Variants in PTTG1IP2 observed in about 807,000 individuals in gnomAD.
PTTG1IP2 encodes the protein PTTG1IP family member 2.
intron 6 of PTTG1IP2, among the ~76,000 whole-genome samples, chr7:90,498,361 T>A (rs912168529): frequency 6.6e-6 from 1 of 152,144 alleles, no homozygotes; most frequent in Non-Finnish European, 1.5e-5. Flanking sequence ...AATTCTCCAA[T>A]GAAATAAAGG....
chr7:90,486,467 CTTTTTTT>C (rs532687452), intron 2 of PTTG1IP2, among the ~76,000 whole-genome samples: 1 of 119,222 alleles, frequency 8.4e-6, no homozygotes, highest in African/African-American at 3.1e-5. Context: ...CTTTGTCTTC[CTTTTTTT>C]TTTTTTTTTT....
intron 6 of PTTG1IP2, among the ~76,000 whole-genome samples, chr7:90,508,877 G>A (rs1798154700): frequency 6.6e-6 from 1 of 152,180 alleles, no homozygotes; most frequent in African/African-American, 2.4e-5. Context: ...TCATCCCTCA[G>A]CCAGCCTTGT....
chr7:90,502,788 A>G (rs1244037420), intron 6 of PTTG1IP2, among the ~76,000 whole-genome samples: 1 of 152,224 alleles, frequency 6.6e-6, no homozygotes, highest in Non-Finnish European at 1.5e-5. Flanking sequence ...AGGCTTTGGC[A>G]TTCCATTTAT....
chr7:90,489,526 T>A (rs1156391530), intron 4 of PTTG1IP2, among the ~76,000 whole-genome samples: 1 of 151,828 alleles, frequency 6.6e-6, no homozygotes, highest in African/African-American at 2.4e-5. Context: ...AAAATTTGGA[T>A]CCCTTCCATT....
At chr7:90,510,286 G>A (rs1055398424) in intron 6 of PTTG1IP2, among the ~76,000 whole-genome samples, 10 of 151,862 alleles carry the variant, frequency 6.6e-5, no homozygotes, top group South Asian at 2.1e-4. Context: ...CATATTATCC[G>A]AAAAGAAAAA....
intron 2 of PTTG1IP2, among the ~76,000 whole-genome samples, chr7:90,486,966 C>CA (rs35550391): frequency 1.3e-5 from 2 of 151,892 alleles, no homozygotes; most frequent in Non-Finnish European, 2.9e-5. Flanking sequence ...AGCCCTTGGG[C>CA]AAAAAAAGTC....
intron 6 of PTTG1IP2, among the ~76,000 whole-genome samples, chr7:90,510,757 G>A (rs1051883242): frequency 6.6e-6 from 1 of 152,198 alleles, no homozygotes; most frequent in Non-Finnish European, 1.5e-5. Context: ...TATTCACCGA[G>A]GAGATGGTAA....
chr7:90,493,399 G>A (rs1286621213), intron 5 of PTTG1IP2, among the ~76,000 whole-genome samples: 2 of 152,212 alleles, frequency 1.3e-5, no homozygotes, highest in Admixed American at 1.3e-4. Flanking sequence ...TAGGACAGGA[G>A]CCAAAGTGTA....
chr7:90,505,990 CAAAAAAAAAAAAAAAA>C (rs59521168), intron 6 of PTTG1IP2, among the ~76,000 whole-genome samples: 9 of 77,318 alleles, frequency 1.2e-4, no homozygotes, highest in East Asian at 8.4e-4. Flanking sequence ...GACTCCGTCT[CAAAAAAAAAAAAAAAA>C]AAAAAAAAAA....
chr7:90,513,219 A>T (rs1305878763), intron 6 of PTTG1IP2, 59 bp from the exon 7 acceptor site: 1 of 152,606 alleles, frequency 6.6e-6, no homozygotes, highest in Non-Finnish European at 1.5e-5. Context: ...TTGAAGGTGA[A>T]ACTTGAGAGT....
chr7:90,495,350 C>G (rs1797981246), intron 6 of PTTG1IP2, among the ~76,000 whole-genome samples: 2 of 152,146 alleles, frequency 1.3e-5, no homozygotes, highest in Admixed American at 6.5e-5. Context: ...TTCATCCTAC[C>G]CAACACCTCT....
At chr7:90,484,082 T>TA (rs1264547533) in intron 2 of PTTG1IP2, among the ~76,000 whole-genome samples, 2 of 152,050 alleles carry the variant, frequency 1.3e-5, no homozygotes, top group African/African-American at 4.8e-5. Flanking sequence ...TAACTAAGTT[T>TA]ATAATTTTGC....
chr7:90,477,209 C>G (rs1017240346), intron 1 of PTTG1IP2, among the ~76,000 whole-genome samples: 2 of 152,072 alleles, frequency 1.3e-5, no homozygotes, highest in African/African-American at 2.4e-5. Context: ...AAACATCAGG[C>G]CTTGAGGGTG....
chr7:90,497,062 T>C (rs1381281353), intron 6 of PTTG1IP2, among the ~76,000 whole-genome samples: 2 of 152,220 alleles, frequency 1.3e-5, no homozygotes, highest in Non-Finnish European at 2.9e-5. Flanking sequence ...CCTGATATGA[T>C]TTAAATCTTC....
At chr7:90,478,302 G>A (rs1430653819) in intron 1 of PTTG1IP2, among the ~76,000 whole-genome samples, 3 of 152,106 alleles carry the variant, frequency 2.0e-5, no homozygotes, top group Non-Finnish European at 4.4e-5. Flanking sequence ...CCCTGTTTCT[G>A]CCTTCCGAAA....
intron 6 of PTTG1IP2, among the ~76,000 whole-genome samples, chr7:90,510,769 CA>C (rs1388748858): frequency 6.6e-6 from 1 of 152,068 alleles, no homozygotes; most frequent in East Asian, 1.9e-4. Flanking sequence ...AGATGGTAAC[CA>C]TATCAATAAA....
chr7:90,496,231 G>A (rs577982645), intron 6 of PTTG1IP2, among the ~76,000 whole-genome samples: 103 of 152,260 alleles, frequency 6.8e-4, no homozygotes, highest in African/African-American at 2.4e-3. Context: ...ATTGGTATTA[G>A]TTATTTAAAT....
intron 6 of PTTG1IP2, among the ~76,000 whole-genome samples, chr7:90,504,718 T>A (rs796802214): frequency 3.9e-5 from 6 of 152,234 alleles, no homozygotes; most frequent in African/African-American, 1.4e-4. Context: ...AACAGATTTT[T>A]AAAAGATATC....
At chr7:90,484,812 T>C (rs1475668330) in intron 2 of PTTG1IP2, among the ~76,000 whole-genome samples, 1 of 152,218 alleles carries the variant, frequency 6.6e-6, no homozygotes, top group Non-Finnish European at 1.5e-5. Flanking sequence ...AGGATGTCTT[T>C]CTCATTTTCC....
Sources: gnomAD v4.1 joint callset for allele counts (sites outside exome capture counted in the v4.1 genomes callset) on GRCh38, gnomAD v4.1.1 for gene constraint, MANE v1.5 for transcripts, NCBI Gene and HGNC (gene_info 2026-07-23, HGNC 2026-07-21) for gene names.